Variants in GTPBP4 observed in about 807,000 individuals in gnomAD.
GTPBP4 encodes the protein GTP-binding protein 4.
In GTPBP4, 15 loss-of-function variants were observed where a neutral mutation model predicts 81.7. The ratio of observed to expected loss-of-function variants is 0.18; its 90% CI spans 0.12 to 0.28. The LOEUF is 0.28. GTPBP4 is among the 10% of genes least tolerant of loss of function. GTPBP4 has a pLI of 1.00. For synonymous variants in GTPBP4, 272 were observed against 274.6 expected (o/e 0.99, Z 0.09); for missense variants, 847 against 793.8 (o/e 1.07, Z -0.81).
At chr10:1,004,249 C>G (rs980336544) in intron 8 of GTPBP4, among the ~76,000 whole-genome samples, 2 of 152,116 alleles carry the variant, frequency 1.3e-5, no homozygotes, top group African/African-American at 4.8e-5. Context: ...AGCAAGGACC[C>G]CAGAATGGAC....
intron 1 of GTPBP4, 50 bp downstream of exon 1, chr10:988,577 G>A (rs767072752): frequency 1.4e-6 from 2 of 1,436,856 alleles, no homozygotes; most frequent in Admixed American, 3.4e-5. Flanking sequence ...TCCTCAGCTG[G>A]GTCCCCGGGG....
chr10:1,010,464 C>T lies in GTPBP4; in HGVS notation c.1288C>T (p.Pro430Ser), dbSNP rs771794876. The change falls in exon 13 of 17, where the codon CCA becomes TCA. Residue 430 changes from proline to serine, a missense_variant. This residue lies in a region of GTPBP4 where 600 missense variants were observed against 557.1 expected (regional missense o/e 1.08). Coordinates refer to ENST00000360803, the MANE Select transcript of GTPBP4 (RefSeq NM_012341.3). ...TTTGTCTGAAAAACATGATAAGATA[C>T]CAGAAATCTGGGAAGGCCATAATAT... ...MNLSEKHDKI[P>S]EIWEGHNIAD... The T allele has an allele frequency of 6.3e-7, 1 of 1,584,440 alleles. No homozygotes were observed. Among genetic ancestry groups the T allele is most frequent in the Non-Finnish European group, 8.7e-7 (1 of 1,153,074 alleles).
At chr10:1,015,347 C>T (rs890374201) in intron 15 of GTPBP4, among the ~76,000 whole-genome samples, 3 of 152,072 alleles carry the variant, frequency 2.0e-5, no homozygotes, top group Admixed American at 6.5e-5. Context: ...TCATGCCTGT[C>T]GCTGAGCCTG....
In GTPBP4 at chr10:1,008,148, C is replaced by T. The variant is rs1430956919; in HGVS notation, c.1114-810C>T. The T allele has an allele frequency of 2.2e-5, 10 of 454,260 alleles. No homozygotes were observed. In the East Asian group the frequency reaches 4.2e-4, roughly 19 times the overall value. 28.1% of individuals were successfully genotyped at this position (454,260 alleles called of 1,614,324 possible). A position where few individuals can be genotyped will look rare whatever the true frequency, so the allele number is the denominator to read the frequency against. On this transcript the variant is annotated intron_variant, in intron 10 of 16. Coordinates refer to ENST00000360803, the MANE Select transcript of GTPBP4 (RefSeq NM_012341.3). ...TCTTTTCTTGCTGGGTGCAGTGGCTCACGTCTGTAATCCCAGCACTCTGGG... is the reference window on the plus strand; with the variant it reads ...TCTTTTCTTGCTGGGTGCAGTGGCTTACGTCTGTAATCCCAGCACTCTGGG...
At chr10:1,010,903 C>A (rs539590203) in intron 13 of GTPBP4, among the ~76,000 whole-genome samples, 2 of 150,438 alleles carry the variant, frequency 1.3e-5, no homozygotes, top group East Asian at 3.9e-4. Context: ...GACTCTGCCC[C>A]CTACACCACC....
At chr10:996,446 TTATA>T (rs1206760162) in intron 4 of GTPBP4, 1 of 392,766 alleles carries the variant, frequency 2.5e-6, no homozygotes, top group Non-Finnish European at 4.5e-6. Flanking sequence ...ATAAGAAAAT[TTATA>T]TATTTCATAT....
chr10:1,016,947 G>A (rs1429617037), intron 16 of GTPBP4, 128 bp from the exon 17 acceptor site: 1 of 648,378 alleles, frequency 1.5e-6, no homozygotes, highest in Non-Finnish European at 2.7e-6. Flanking sequence ...AGAGAAAAGA[G>A]ATGTAACAGG....
intron 9 of GTPBP4, 86 bp downstream of exon 9, chr10:1,005,993 T>C: frequency 3.9e-6 from 3 of 762,718 alleles, no homozygotes; most frequent in Non-Finnish European, 6.5e-6. Context: ...TAGTTTTCTT[T>C]CTAGACATTG....
At chr10:1,008,845 G>A in intron 10 of GTPBP4, 113 bp from the exon 11 acceptor site, 1 of 808,048 alleles carries the variant, frequency 1.2e-6, no homozygotes, top group Non-Finnish European at 2.2e-6. Context: ...ATTGGTCTGG[G>A]TATGGTTTTC....
Position 995,965 on chromosome 10 carries a change from C to A in GTPBP4, c.256C>A (p.Leu86Ile). The A allele has an allele frequency of 6.2e-7, 1 of 1,611,214 alleles. No homozygotes were observed. The highest frequency in any genetic ancestry group is 8.5e-7 in the Non-Finnish European group (1 of 1,177,398). Reference protein sequence around the residue: ...HPFYADLMNILYDKDHYKLAL... With the variant: ...HPFYADLMNIIYDKDHYKLAL... ...GTTCTATGCTGATTTGATGAATATT[C>A]TCTACGACAAGGATCATTACAAGTT... The change falls in exon 3 of 17, where the codon CTC becomes ATC. Residue 86 changes from leucine to isoleucine, a missense_variant. By Grantham distance (5) the Leu-to-Ile change is conservative. Transcript: ENST00000360803.
chr10:1,015,939 G>A (rs749945766), intron 16 of GTPBP4, 43 bp downstream of exon 16: 4 of 1,537,194 alleles, frequency 2.6e-6, no homozygotes, highest in Non-Finnish European at 3.6e-6. Flanking sequence ...GACAGTCTCT[G>A]TTGTTTATTG....
At chr10:991,624 G>C (rs1422982966) in intron 1 of GTPBP4, among the ~76,000 whole-genome samples, 1 of 149,098 alleles carries the variant, frequency 6.7e-6, no homozygotes, top group Non-Finnish European at 1.5e-5. Context: ...GATTATTTAA[G>C]TTTCAAAGGT....
At chr10:994,447 T>G (rs1831503288) in intron 2 of GTPBP4, among the ~76,000 whole-genome samples, 1 of 152,004 alleles carries the variant, frequency 6.6e-6, no homozygotes, top group South Asian at 2.1e-4. Flanking sequence ...TTTTGTGTTT[T>G]TTTAGTAGAG....
At chr10:1,005,611 C>T (rs1484113341) in intron 8 of GTPBP4, among the ~76,000 whole-genome samples, 4 of 152,244 alleles carry the variant, frequency 2.6e-5, no homozygotes, top group East Asian at 3.9e-4. Context: ...GGCTACTAGT[C>T]GGCCATCTTT....
At position 996,022 on chromosome 10, in the gene GTPBP4, T is replaced by C. The variant is rs769431730; in HGVS notation, c.313T>C (p.Leu105=). The stretch of plus-strand genomic sequence containing the variant: ...GGGGCAAATAAATATTGCCAAAAAT[T>C]TAGTGGACAAGTAAGGTACTTTTTT... The part of the protein sequence containing the change: ...ALGQINIAKN[L]VDNVAKDYVR... The change falls in exon 3 of 17, where the codon TTA becomes CTA. Residue 105 remains leucine (L), a synonymous_variant. Coordinates refer to ENST00000360803, the MANE Select transcript of GTPBP4 (RefSeq NM_012341.3). The C allele has an allele frequency of 3.1e-6, 5 of 1,604,734 alleles. No individual in the cohort carries two copies. Among genetic ancestry groups the C allele is most frequent in the Non-Finnish European group, 3.4e-6 (4 of 1,171,500 alleles).
chr10:1,005,393 C>G (rs1831710049), intron 8 of GTPBP4, among the ~76,000 whole-genome samples: 1 of 152,176 alleles, frequency 6.6e-6, no homozygotes, highest in Admixed American at 6.5e-5. Context: ...GATCCACCCG[C>G]CTCGGCCTCC....
At chr10:1,000,893 C>T in intron 7 of GTPBP4, 25 bp downstream of exon 7, 1 of 1,609,496 alleles carries the variant, frequency 6.2e-7, no homozygotes, top group South Asian at 1.1e-5. Flanking sequence ...TCATGTTTTG[C>T]TTCATATCCT....
In GTPBP4 at chr10:1,010,428, G is replaced by C; in HGVS notation, c.1252G>C (p.Asp418His). The change falls in exon 13 of 17, where the codon GAT becomes CAT. Residue 418 changes from aspartate (D) to histidine (H), a missense_variant. Physicochemically the swap from Asp to His is moderately conservative, Grantham distance 81. This residue lies in a region of GTPBP4 where 600 missense variants were observed against 557.1 expected (regional missense o/e 1.08). Coordinates refer to ENST00000360803, the MANE Select transcript of GTPBP4 (RefSeq NM_012341.3). ...DYILDLQKYW[D>H]LMNLSEKHDK... Reference sequence around the variant, plus strand: ...CTTTTTTTTAACTTTAGAGTACTGGGATTTAATGAATTTGTCTGAAAAACA... The same window carrying C: ...CTTTTTTTTAACTTTAGAGTACTGGCATTTAATGAATTTGTCTGAAAAACA... The C allele has an allele frequency of 6.5e-7, 1 of 1,534,068 alleles. No homozygotes were observed.
At chr10:1,005,260 C>T (rs538204220) in intron 8 of GTPBP4, among the ~76,000 whole-genome samples, 1 of 152,208 alleles carries the variant, frequency 6.6e-6, no homozygotes, top group Non-Finnish European at 1.5e-5. Context: ...ATTCTCCTGC[C>T]TCAGCCTCCC....
Sources: gnomAD v4.1 joint callset for allele counts (sites outside exome capture counted in the v4.1 genomes callset) on GRCh38, gnomAD v4.1.1 for gene constraint, gnomAD v4.1.1 regional missense constraint, MANE v1.5 for transcripts, NCBI Gene and HGNC (gene_info 2026-07-23, HGNC 2026-07-21) for gene names.